Variants in TIGD5 observed in about 807,000 individuals in gnomAD.
TIGD5 encodes tigger transposable element-derived protein 5.
In TIGD5, 24 loss-of-function variants were observed where a neutral mutation model predicts 28.8. That is an observed-to-expected ratio of 0.83 (90% CI 0.60 to 1.17). TIGD5 has a LOEUF of 1.17. Among genes scored for constraint, TIGD5 ranks in the 50% most tolerant of loss-of-function variants. The pLI, the probability that TIGD5 is intolerant of heterozygous loss-of-function variation, is 0.00. For missense variants in TIGD5, 922 were observed against 911.4 expected (o/e 1.01, Z -0.15); for synonymous variants, 538 against 430.5 (o/e 1.25, Z -3.09).
In TIGD5 at chr8:143,603,177, C is replaced by T. The variant is rs1454513346; in HGVS notation, c.*3345C>T. On this transcript the variant is annotated 3_prime_UTR_variant, in exon 1 of 1. Coordinates refer to ENST00000504548, the MANE Select transcript of TIGD5 (RefSeq NM_032862.5). ...AGCTGAGCTCGCCTGGTCAGATGGG[C>T]CCAGTGGCTTTATCTAATAAAGGCT... is the stretch of plus-strand genomic sequence containing the variant. 6.6e-6 allele frequency: 1 copy of T among 152,216 alleles called. No individual in the cohort carries two copies. Among genetic ancestry groups the T allele is most frequent in the Non-Finnish European group, 1.5e-5 (1 of 68,040 alleles). The allele number at this position is 152,216 out of a possible 1,614,324, so 9.4% of individuals were successfully genotyped here.
chr8:143,599,005 A>G lies in TIGD5; in HGVS notation c.1102A>G (p.Ser368Gly). 6.6e-7 allele frequency: 1 copy of G among 1,521,868 alleles called. No homozygotes were observed. The highest frequency in any genetic ancestry group is 8.9e-7 in the Non-Finnish European group (1 of 1,129,244). 94.3% of individuals were successfully genotyped at this position (1,521,868 alleles called of 1,614,324 possible). Residue 368 changes from serine to glycine, a missense_variant, in exon 1 of 1, where the codon AGT becomes GGT. Transcript: ENST00000504548. ...CCCGCCCTGCCCAAGCCCAGCTGCC[A>G]GTATGCCCGCCCTGGACAGCGAGGA... ...AHPPCPSPAA[S>G]MPALDSEDAP...
Position 143,600,159 on chromosome 8 carries a change from T to G in TIGD5, c.*327T>G. 1 of 329,362 alleles carries G rather than the reference T, an allele frequency of 3.0e-6. No homozygotes were observed. Among genetic ancestry groups the G allele is most frequent in the Non-Finnish European group, 5.5e-6 (1 of 181,236 alleles). 20.4% of individuals were successfully genotyped at this position (329,362 alleles called of 1,614,324 possible). On this transcript the variant is annotated 3_prime_UTR_variant, in exon 1 of 1. Transcript: ENST00000504548. ...CCCCGTGGGGCTGGGCCTCCGCCCC[T>G]GCACCAGTCACATGCACTGGACGAG...
rs1334668023 is a variant in TIGD5 at position 143,603,125 on chromosome 8, C to T, written c.*3293C>T. 6.6e-6 allele frequency: 1 copy of T among 152,234 alleles called. No homozygotes were observed. The highest frequency in any genetic ancestry group is 1.5e-5 in the Non-Finnish European group (1 of 68,044). 9.4% of individuals were successfully genotyped at this position (152,234 alleles called of 1,614,324 possible). On this transcript the variant is annotated 3_prime_UTR_variant, in exon 1 of 1. Transcript: ENST00000504548. ...GTGGGGTCATGCTCTGTTGAGGGCC[C>T]TTCCTCTAACTGGCGAGCTTGTTTA...
In TIGD5 at chr8:143,599,026, G is replaced by A. The variant is rs1358508631; in HGVS notation, c.1123G>A (p.Glu375Lys). The A allele has an allele frequency of 6.4e-7, 1 of 1,572,664 alleles. No homozygotes were observed. The change falls in exon 1 of 1, where the codon GAG becomes AAG. Residue 375 changes from glutamate to lysine, a missense_variant. By Grantham distance (56) the Glu-to-Lys change is moderately conservative. Coordinates refer to ENST00000504548, the MANE Select transcript of TIGD5 (RefSeq NM_032862.5). ...PAASMPALDSEDAPVRCRPEP... is the reference protein window; with the variant it reads ...PAASMPALDSKDAPVRCRPEP... ...TGCCAGTATGCCCGCCCTGGACAGC[G>A]AGGATGCCCCCGTGCGGTGCAGGCC... is the stretch of plus-strand genomic sequence containing the variant.
In TIGD5 at chr8:143,599,528, C is replaced by T. The variant is rs746698639; in HGVS notation, c.1625C>T (p.Pro542Leu). Residue 542 changes from proline to leucine, a missense_variant, in exon 1 of 1, where the codon CCC becomes CTC. Physicochemically the swap from Pro to Leu is moderately conservative, Grantham distance 98. Around this residue, in one of 3 missense-constraint regions of TIGD5, gnomAD observed 821 missense variants for 815.2 expected, o/e 1.01. Transcript: ENST00000504548. The part of the protein sequence containing the change: ...WLHLDDDGGP[P>L]EGCREEVGPA... Reference sequence around the variant, plus strand: ...CACCTGGACGATGATGGGGGTCCGCCCGAGGGCTGCAGGGAGGAGGTGGGC... The same window carrying T: ...CACCTGGACGATGATGGGGGTCCGCTCGAGGGCTGCAGGGAGGAGGTGGGC... 2 of 1,582,056 alleles carry T rather than the reference C, an allele frequency of 1.3e-6. No individual in the cohort carries two copies. The highest frequency in any genetic ancestry group is 1.1e-5 in the South Asian group (1 of 87,236).
chr8:143,599,205 G>A lies in TIGD5; in HGVS notation c.1302G>A (p.Leu434=), dbSNP rs750884177. 4.3e-6 allele frequency: 7 copies of A among 1,611,184 alleles called. No individual in the cohort carries two copies. In the African/African-American group the frequency reaches 8.0e-5, roughly 18 times the overall value. The stretch of plus-strand genomic sequence containing the variant: ...AACAGCTGTACAAGCGCGAGCTGCT[G>A]CGACTGGCTGTGTCCTGCGCCAGCG... ...AFKQLYKREL[L]RLAVSCASGS... The change falls in exon 1 of 1, where the codon CTG becomes CTA. Residue 434 remains leucine, a synonymous_variant. Transcript: ENST00000504548.
rs1445868657 is a variant in TIGD5 at position 143,599,940 on chromosome 8, CA to C, written c.*109del. On this transcript the variant is annotated 3_prime_UTR_variant, in exon 1 of 1. Transcript: ENST00000504548. ...CCTGGGGTGGCCCACCGCATGGGTA[CA>C]GGGGGTTCCAGGAATCCAAATCCAG... 3 of 1,222,982 alleles carry C rather than the reference CA, an allele frequency of 2.5e-6. No homozygotes were observed. The highest frequency in any genetic ancestry group is 2.1e-6 in the Non-Finnish European group (2 of 943,100). The allele number at this position is 1,222,982 out of a possible 1,614,324, so 75.8% of individuals were successfully genotyped here. A position where few individuals can be genotyped will look rare whatever the true frequency, so the allele number is the denominator to read the frequency against.
Position 143,598,553 on chromosome 8 carries a change from C to A in TIGD5, c.650C>A (p.Pro217His). 1 of 1,312,062 alleles carries A rather than the reference C, an allele frequency of 7.6e-7. No homozygotes were observed. Among genetic ancestry groups the A allele is most frequent in the South Asian group, 2.2e-5 (1 of 46,088 alleles). 81.3% of individuals were successfully genotyped at this position (1,312,062 alleles called of 1,614,324 possible). ...CTGCCCTCCGGCGCCGGCCCCCTGC[C>A]CGACCGCGCCCCGGCCCCGCCGCCC... ...PALPSGAGPL[P>H]DRAPAPPPPA... The change falls in exon 1 of 1, where the codon CCC becomes CAC. Residue 217 changes from proline to histidine, a missense_variant. Pro to His is a moderately conservative substitution (Grantham distance 77). Coordinates refer to ENST00000504548, the MANE Select transcript of TIGD5 (RefSeq NM_032862.5). The surrounding 1 kb of genome is among the most constrained non-coding windows in gnomAD (Gnocchi z 6.6).
In TIGD5 at chr8:143,598,212, G is replaced by A. The variant is rs867144228; in HGVS notation, c.309G>A (p.Glu103=). The A allele has an allele frequency of 1.9e-6, 3 of 1,607,602 alleles. No homozygotes were observed. Among genetic ancestry groups the A allele is most frequent in the African/African-American group, 1.3e-5 (1 of 74,272 alleles). Residue 103 remains glutamate (E), a synonymous_variant, in exon 1 of 1, where the codon GAG becomes GAA. Coordinates refer to ENST00000504548, the MANE Select transcript of TIGD5 (RefSeq NM_032862.5). This position sits in a 1 kb window ranked among gnomAD's most constrained non-coding sequence, Gnocchi z 6.6. ...AGCCCAAGCTGCGCTGGTTCCTGGA[G>A]CAGCTGGGCGGTGAGGTGGGCACTC... ...KDEPKLRWFL[E]QLGGEVGTQR...
rs761478120 is a variant in TIGD5, at chr8:143,599,307, G to T, written c.1404G>T (p.Val468=). ...TGGCTGGCCTCTCCTGGGACCTGGT[G>T]CAGGCGGGCAGCATTGAGCGCTGCT... ...LYLAGLSWDL[V]QAGSIERCWL... is the part of the protein sequence containing the mutation. Residue 468 remains valine (V), a synonymous_variant, in exon 1 of 1, where the codon GTG becomes GTT. Transcript: ENST00000504548. 1.2e-6 allele frequency: 2 copies of T among 1,606,182 alleles called. No homozygotes were observed. Among genetic ancestry groups the T allele is most frequent in the Admixed American group, 1.7e-5 (1 of 59,242 alleles).
At position 143,598,774 on chromosome 8, in the gene TIGD5, C is replaced by G; in HGVS notation, c.871C>G (p.Pro291Ala). 6.3e-7 allele frequency: 1 copy of G among 1,595,046 alleles called. No individual in the cohort carries two copies. The highest frequency in any genetic ancestry group is 8.5e-7 in the Non-Finnish European group (1 of 1,177,312). Residue 291 changes from proline to alanine, a missense_variant, in exon 1 of 1, where the codon CCG (proline) becomes GCG (alanine). Pro to Ala is a conservative substitution (Grantham distance 27, BLOSUM62 -1). Coordinates refer to ENST00000504548, the MANE Select transcript of TIGD5 (RefSeq NM_032862.5). The surrounding 1 kb of genome is among the most constrained non-coding windows in gnomAD (Gnocchi z 6.6). ...CCTGACCGGCAGCCACAAGCTGAAG[C>G]CGCTGGTCATCGGGCGGCTGCCGGA... ...ANLTGSHKLK[P>A]LVIGRLPDPP...
In TIGD5 at chr8:143,598,288, T is replaced by G. The variant is rs776243460; in HGVS notation, c.385T>G (p.Tyr129Asp). ...CGAGGAGGAGATCGACCGCGCCGTG[T>G]ACGCCTGGTTCCTGGCGCTGCGCCA... Reference protein sequence around the residue: ...ANEEEIDRAVYAWFLALRQHG... With the variant: ...ANEEEIDRAVDAWFLALRQHG... Residue 129 changes from tyrosine to aspartate, a missense_variant, in exon 1 of 1, where the codon TAC becomes GAC. Tyr to Asp is a radical substitution (Grantham distance 160). Coordinates refer to ENST00000504548, the MANE Select transcript of TIGD5 (RefSeq NM_032862.5). The surrounding 1 kb of genome is among the most constrained non-coding windows in gnomAD (Gnocchi z 6.6). 6.2e-7 allele frequency: 1 copy of G among 1,609,700 alleles called. No homozygotes were observed. Among genetic ancestry groups the G allele is most frequent in the Non-Finnish European group, 8.5e-7 (1 of 1,178,756 alleles).
chr8:143,599,002 G>A lies in TIGD5; in HGVS notation c.1099G>A (p.Ala367Thr). The A allele has an allele frequency of 2.5e-6, 4 of 1,575,496 alleles. No homozygotes were observed. The highest frequency in any genetic ancestry group is 1.1e-5 in the South Asian group (1 of 87,554). Residue 367 changes from alanine to threonine, a missense_variant, in exon 1 of 1, where the codon GCC (alanine) becomes ACC (threonine). By Grantham distance (58) the Ala-to-Thr change is moderately conservative. This residue lies in a region of TIGD5 where 821 missense variants were observed against 815.2 expected (regional missense o/e 1.01). Transcript: ENST00000504548. The stretch of plus-strand genomic sequence containing the variant: ...CCACCCGCCCTGCCCAAGCCCAGCT[G>A]CCAGTATGCCCGCCCTGGACAGCGA... ...VAHPPCPSPA[A>T]SMPALDSEDA...
chr8:143,599,063 G>T lies in TIGD5; in HGVS notation c.1160G>T (p.Gly387Val). 6.4e-7 allele frequency: 1 copy of T among 1,572,024 alleles called. No homozygotes were observed. The stretch of plus-strand genomic sequence containing the variant: ...GTGCGGTGCAGGCCGGAGCCCCTCG[G>T]TCCCCCGGAGGAGCTGCAGACACCG... ...APVRCRPEPL[G>V]PPEELQTPDG... is the part of the protein sequence containing the mutation. Residue 387 changes from glycine (G) to valine (V), a missense_variant, in exon 1 of 1, where the codon GGT becomes GTT. By Grantham distance (109) the Gly-to-Val change is moderately radical (BLOSUM62 -3). Around this residue, in one of 3 missense-constraint regions of TIGD5, gnomAD observed 821 missense variants for 815.2 expected, o/e 1.01. Coordinates refer to ENST00000504548, the MANE Select transcript of TIGD5 (RefSeq NM_032862.5).
rs1201267675 is a variant in TIGD5 at position 143,597,917 on chromosome 8, GC to G, written c.20del (p.Pro7ArgfsTer42). ...CCCGCCGCAGCCATGTACCCCGCGG[GC>G]CCCCCGGCCGGCCCGGTACCGCGCC... MYPA[G>X]PPAGPVPRRG... On this transcript the variant is annotated frameshift_variant, in exon 1 of 1. Transcript: ENST00000504548. LOFTEE classifies it high-confidence loss of function. 9.5e-5 allele frequency: 81 copies of G among 852,900 alleles called. No homozygotes were observed. Among genetic ancestry groups the G allele is most frequent in the Non-Finnish European group, 1.1e-4 (79 of 711,634 alleles). 52.8% of individuals were successfully genotyped at this position (852,900 alleles called of 1,614,324 possible).
In TIGD5 at chr8:143,598,952, A is replaced by C. The variant is rs1238360822; in HGVS notation, c.1049A>C (p.Gln350Pro). The change falls in exon 1 of 1, where the codon CAG becomes CCG. Residue 350 changes from glutamine to proline, a missense_variant. This residue lies in a region of TIGD5 where 821 missense variants were observed against 815.2 expected (regional missense o/e 1.01). Coordinates refer to ENST00000504548, the MANE Select transcript of TIGD5 (RefSeq NM_032862.5). This position sits in a 1 kb window ranked among gnomAD's most constrained non-coding sequence, Gnocchi z 6.6. ...VKRYLRRSCL[Q>P]QKAVLLVAHP... ...CGCTACCTGCGCCGAAGCTGCCTGC[A>C]GCAGAAGGCCGTGCTGCTGGTGGCC... 17 of 1,584,420 alleles carry C rather than the reference A, an allele frequency of 1.1e-5. No individual in the cohort carries two copies. Among genetic ancestry groups the C allele is most frequent in the Non-Finnish European group, 1.4e-5 (16 of 1,173,490 alleles).
Position 143,598,965 on chromosome 8 carries a change from G to A in TIGD5, c.1062G>A (p.Val354=), listed in dbSNP as rs1829181174. 1.9e-6 allele frequency: 3 copies of A among 1,578,948 alleles called. No homozygotes were observed. Among genetic ancestry groups the A allele is most frequent in the Admixed American group, 3.5e-5 (2 of 57,798 alleles). Residue 354 remains valine (V), a synonymous_variant, in exon 1 of 1, where the codon GTG becomes GTA. Coordinates refer to ENST00000504548, the MANE Select transcript of TIGD5 (RefSeq NM_032862.5). This position sits in a 1 kb window ranked among gnomAD's most constrained non-coding sequence, Gnocchi z 6.6. The stretch of plus-strand genomic sequence containing the variant: ...GAAGCTGCCTGCAGCAGAAGGCCGT[G>A]CTGCTGGTGGCCCACCCGCCCTGCC... ...LRRSCLQQKA[V]LLVAHPPCPS...
In TIGD5 at chr8:143,597,946, G is replaced by T; in HGVS notation, c.43G>T (p.Gly15Cys). The change falls in exon 1 of 1, where the codon GGC becomes TGC. Residue 15 changes from glycine (G) to cysteine (C), a missense_variant. Physicochemically the swap from Gly to Cys is radical, Grantham distance 159. Transcript: ENST00000504548. ...CCCGGCCGGCCCGGTACCGCGCCGCGGCCGCCGTCCCCTGCCCGGGCCCCC... is the reference window on the plus strand; with the variant it reads ...CCCGGCCGGCCCGGTACCGCGCCGCTGCCGCCGTCCCCTGCCCGGGCCCCC... ...GPPAGPVPRR[G>C]RRPLPGPPAP... The T allele has an allele frequency of 1.1e-6, 1 of 881,560 alleles. No homozygotes were observed. Among genetic ancestry groups the T allele is most frequent in the Non-Finnish European group, 1.4e-6 (1 of 738,308 alleles). The allele number at this position is 881,560 out of a possible 1,614,324, so 54.6% of individuals were successfully genotyped here. A position where few individuals can be genotyped will look rare whatever the true frequency, so the allele number is the denominator to read the frequency against.
In TIGD5 at chr8:143,600,616, A is replaced by T. The variant is rs1036367555; in HGVS notation, c.*784A>T. ...TCCCCTGCTTCCTCATCAGCCACAG[A>T]CCATTCTGTCCAGTCCCAGGGCCTG... On this transcript the variant is annotated 3_prime_UTR_variant, in exon 1 of 1. Transcript: ENST00000504548. 1.3e-5 allele frequency: 2 copies of T among 152,122 alleles called. No individual in the cohort carries two copies. Among genetic ancestry groups the T allele is most frequent in the African/African-American group, 4.8e-5 (2 of 41,386 alleles). The allele number at this position is 152,122 out of a possible 1,614,324, so 9.4% of individuals were successfully genotyped here. A position where few individuals can be genotyped will look rare whatever the true frequency, so the allele number is the denominator to read the frequency against.
Sources: allele counts gnomAD v4.1 joint callset, GRCh38; gene constraint gnomAD v4.1.1; regional missense constraint gnomAD v4.1.1; non-coding constraint Gnocchi (gnomAD v3.1); transcripts MANE v1.5; gene names NCBI Gene and HGNC (gene_info 2026-07-23, HGNC 2026-07-21).